NT5DC1: variants seen among roughly 807,000 people sequenced by gnomAD.
NT5DC1 encodes the protein 5'-nucleotidase domain containing 1.
NT5DC1 carries 42 observed loss-of-function variants against 59.4 expected under a neutral mutation model. The observed-to-expected ratio is 0.71, with a 90% CI of 0.55 to 0.92. The LOEUF is 0.92. Among genes scored for constraint, NT5DC1 ranks in the 40% least tolerant of loss-of-function variants. NT5DC1 has a pLI of 0.00. For missense variants in NT5DC1, 501 were observed against 537.1 expected, an observed-to-expected ratio of 0.93 and a Z score of 0.66; for synonymous variants, 172 against 188.1, an observed-to-expected ratio of 0.91 and a Z score of 0.70.
At position 116,146,608 on chromosome 6, in the gene NT5DC1, A is replaced by G. The variant is rs188150035; in HGVS notation, c.529+28663A>G. On this transcript the variant is annotated intron_variant, in intron 6 of 11. Transcript: ENST00000319550. Reference sequence around the variant, plus strand: ...GAATTAAATAGGAATAAATCTAGGGAAAATACTTACTTTATCTGTATCTTA... The same window carrying G: ...GAATTAAATAGGAATAAATCTAGGGGAAATACTTACTTTATCTGTATCTTA... Among the ~76,000 whole-genome samples the G allele has an allele frequency of 2.6e-3, 396 of 152,350 alleles. 10 individuals are homozygous for G. In the South Asian group the frequency reaches 0.043, roughly 17 times the overall value.
intron 6 of NT5DC1, among the ~76,000 whole-genome samples, chr6:116,160,095 T>G (rs1780293841): frequency 6.6e-6 from 1 of 152,226 alleles, no homozygotes; most frequent in Non-Finnish European, 1.5e-5. Context: ...GGTATCTTTT[T>G]GATAAAATGA....
chr6:116,240,275 GA>G (rs1771673597), intron 11 of NT5DC1, among the ~76,000 whole-genome samples: 1 of 151,962 alleles, frequency 6.6e-6, no homozygotes, highest in South Asian at 2.1e-4. Context: ...ACCAATTGTG[GA>G]TAAAAATTAT....
At chr6:116,110,710 G>A (rs1778857077) in intron 3 of NT5DC1, 140 bp from the exon 4 acceptor site, 2 of 720,082 alleles carry the variant, frequency 2.8e-6, no homozygotes, top group Admixed American at 2.0e-5. Context: ...TCCTAAACAG[G>A]GAGGCACCCA....
chr6:116,145,950 A>C (rs1182576520), intron 6 of NT5DC1, among the ~76,000 whole-genome samples: 1 of 152,184 alleles, frequency 6.6e-6, no homozygotes, highest in Non-Finnish European at 1.5e-5. Flanking sequence ...TATGCAGTCT[A>C]GTGTTTGTAC....
At position 116,133,855 on chromosome 6, in the gene NT5DC1, A is replaced by G. The variant is rs150533141; in HGVS notation, c.529+15910A>G. 1.1e-3 allele frequency among the ~76,000 whole-genome samples: 164 copies of G among 152,290 alleles called. 1 individual carries two copies. The highest frequency in any genetic ancestry group is 3.8e-3 in the African/African-American group (156 of 41,572). On this transcript the variant is annotated intron_variant, in intron 6 of 11. Transcript: ENST00000319550. ...CTTTCATATTTTAAAGGTAATTGCT[A>G]TTTGGGAAAAATGTAACAAATAGAA... is the stretch of plus-strand genomic sequence containing the variant.
intron 8 of NT5DC1, among the ~76,000 whole-genome samples, chr6:116,234,681 CTA>C (rs967690495): frequency 2.9e-4 from 44 of 152,272 alleles, no homozygotes; most frequent in African/African-American, 9.1e-4. Flanking sequence ...ATTTAGGTAA[CTA>C]TTTTTGATTG....
chr6:116,168,079 G>T (rs1780514499), intron 6 of NT5DC1, among the ~76,000 whole-genome samples: 1 of 140,236 alleles, frequency 7.1e-6, no homozygotes, highest in Middle Eastern at 3.5e-3. Context: ...GATGTACCTG[G>T]TGTCTTTTTT....
chr6:116,154,645 AC>A (rs1780137224), intron 6 of NT5DC1, among the ~76,000 whole-genome samples: 1 of 145,106 alleles, frequency 6.9e-6, no homozygotes. Context: ...TGGTAAACTT[AC>A]AGATTAATTT....
chr6:116,108,224 C>A, intron 2 of NT5DC1, 140 bp from the exon 3 acceptor site: 2 of 635,466 alleles, frequency 3.1e-6, no homozygotes, highest in Non-Finnish European at 5.6e-6. Context: ...CTTAGATATT[C>A]TTAATTGTGT....
intron 6 of NT5DC1, among the ~76,000 whole-genome samples, chr6:116,188,796 G>C (rs867461605): frequency 5.3e-5 from 8 of 151,148 alleles, no homozygotes; most frequent in Admixed American, 1.3e-4. Context: ...TTTTCTATGT[G>C]TGTGTATGTT....
At chr6:116,164,100 T>C (rs1332137672) in intron 6 of NT5DC1, among the ~76,000 whole-genome samples, 2 of 152,230 alleles carry the variant, frequency 1.3e-5, no homozygotes, top group Non-Finnish European at 2.9e-5. Flanking sequence ...TCTTTAGGTG[T>C]CTATCCATTT....
intron 6 of NT5DC1, among the ~76,000 whole-genome samples, chr6:116,178,849 T>G (rs1380063364): frequency 6.6e-6 from 1 of 152,196 alleles, no homozygotes; most frequent in East Asian, 1.9e-4. Context: ...GCAATTTCAG[T>G]GTTTGCCTTA....
At position 116,248,996 on chromosome 6, in the gene NT5DC1, G is replaced by A. The variant is rs1322855619; in HGVS notation, c.*4972G>A. ...TAGACTAAAGCAGATAATAAACCAA[G>A]TGTAGGAAAAATGACATTTTCTGAT... On this transcript the variant is annotated 3_prime_UTR_variant, in exon 12 of 12. Transcript: ENST00000319550. 1 of 152,060 alleles carries A rather than the reference G, an allele frequency of 6.6e-6. No individual in the cohort carries two copies. Among genetic ancestry groups the A allele is most frequent in the Non-Finnish European group, 1.5e-5 (1 of 67,968 alleles). The allele number at this position is 152,060 out of a possible 1,614,324, so 9.4% of individuals were successfully genotyped here.
chr6:116,168,278 CCTT>C (rs1780522694), intron 6 of NT5DC1, among the ~76,000 whole-genome samples: 1 of 151,678 alleles, frequency 6.6e-6, no homozygotes, highest in Non-Finnish European at 1.5e-5. Context: ...TGATCTTTCA[CCTT>C]CTCTCTTTTC....
intron 6 of NT5DC1, among the ~76,000 whole-genome samples, chr6:116,171,888 A>G (rs1780615303): frequency 6.6e-6 from 1 of 152,202 alleles, no homozygotes; most frequent in Non-Finnish European, 1.5e-5. Flanking sequence ...TGTTTTCTAT[A>G]TACAGGGAAG....
chr6:116,139,668 C>G (rs1779714598), intron 6 of NT5DC1, among the ~76,000 whole-genome samples: 1 of 152,012 alleles, frequency 6.6e-6, no homozygotes, highest in African/African-American at 2.4e-5. Flanking sequence ...TTTTGATTTG[C>G]AAATTACACA....
At chr6:116,164,860 G>A (rs1053911667) in intron 6 of NT5DC1, among the ~76,000 whole-genome samples, 1 of 152,078 alleles carries the variant, frequency 6.6e-6, no homozygotes, top group African/African-American at 2.4e-5. Context: ...GAGGCAGGCA[G>A]ATCATAAGGT....
At chr6:116,238,004 C>A (rs181543990) in intron 9 of NT5DC1, among the ~76,000 whole-genome samples, 183 bp from the exon 10 acceptor site, 1 of 152,182 alleles carries the variant, frequency 6.6e-6, no homozygotes, top group Non-Finnish European at 1.5e-5. Flanking sequence ...ATCTGGCACC[C>A]TGTGAATCAA....
At chr6:116,194,786 A>G (rs186662650) in intron 6 of NT5DC1, among the ~76,000 whole-genome samples, 9 of 152,168 alleles carry the variant, frequency 5.9e-5, no homozygotes, top group South Asian at 2.1e-4. Context: ...TTTGGGTACA[A>G]TGCTGAAGTG....
Sources: allele counts gnomAD v4.1 joint callset (sites outside exome capture counted in the v4.1 genomes callset), GRCh38; gene constraint gnomAD v4.1.1; transcripts MANE v1.5; gene names NCBI Gene and HGNC (gene_info 2026-07-23, HGNC 2026-07-21).